The following EPS8 variants were observed in gnomAD, a reference collection of about 807,000 sequenced individuals.
EPS8 encodes epidermal growth factor receptor kinase substrate 8.
Under a neutral mutation model 103.8 loss-of-function variants are expected in EPS8, and 42 were observed. That is an observed-to-expected ratio of 0.40 (90% confidence interval 0.32 to 0.52). EPS8 has a LOEUF of 0.52. Ranked by LOEUF, EPS8 falls within the 20% of genes least tolerant of loss-of-function variation. EPS8 has a pLI of 0.40. For synonymous variants in EPS8, 344 were observed against 344.6 expected (o/e 1.00, Z 0.02); for missense variants, 969 against 1,005.1 (o/e 0.96, Z 0.49).
At position 15,769,182 on chromosome 12, in the gene EPS8, G is replaced by C. The variant is rs980596553; in HGVS notation, c.-22+19979C>G. Among the ~76,000 whole-genome samples the C allele has an allele frequency of 4.6e-5, 7 of 151,878 alleles. No individual in the cohort carries two copies. The highest frequency in any genetic ancestry group is 1.7e-4 in the African/African-American group (7 of 41,326). ...GAACTAACCTGAAAGAAAAAAACAG[G>C]AGTTCTCTGTCTATAGAATAATGTT... On this transcript the variant is annotated intron_variant, in intron 1 of 20. Transcript: ENST00000281172. This position sits in a 1 kb window ranked among gnomAD's most constrained non-coding sequence, Gnocchi z 4.6.
chr12:15,673,528 G>C (rs1181666267), intron 3 of EPS8, among the ~76,000 whole-genome samples: 1 of 152,038 alleles, frequency 6.6e-6, no homozygotes, highest in Non-Finnish European at 1.5e-5. Context: ...AGTATAAAAA[G>C]CCTAACTAAA....
In EPS8 at chr12:15,759,871, A is replaced by C. The variant is rs934358170; in HGVS notation, c.-22+29290T>G. Among the ~76,000 whole-genome samples the C allele has an allele frequency of 2.0e-5, 3 of 151,952 alleles. No individual in the cohort carries two copies. Among genetic ancestry groups the C allele is most frequent in the Non-Finnish European group, 2.9e-5 (2 of 67,886 alleles). ...AGTGCCTACATCAAAAAAGAAGAAA[A>C]ACTTCAAATAACCCAACAATGCATC... On this transcript the variant is annotated intron_variant, in intron 1 of 20. Coordinates refer to ENST00000281172, the MANE Select transcript of EPS8 (RefSeq NM_004447.6). The surrounding 1 kb of genome is among the most constrained non-coding windows in gnomAD (Gnocchi z 4.9).
chr12:15,696,683 G>C lies in EPS8; in HGVS notation c.-21-13711C>G, dbSNP rs1364330016. Among the ~76,000 whole-genome samples the C allele has an allele frequency of 2.0e-5, 3 of 152,038 alleles. No homozygotes were observed. Among genetic ancestry groups the C allele is most frequent in the Non-Finnish European group, 4.4e-5 (3 of 67,994 alleles). On this transcript the variant is annotated intron_variant, in intron 1 of 20. Transcript: ENST00000281172. This position sits in a 1 kb window ranked among gnomAD's most constrained non-coding sequence, Gnocchi z 4.8. ...ATGGACTTGATGAATCAGAAGGTCA[G>C]AGAAAAACACCTGAACTACTATTCC...
chr12:15,698,951 A>C lies in EPS8; in HGVS notation c.-21-15979T>G, dbSNP rs1946277077. 6.6e-6 allele frequency among the ~76,000 whole-genome samples: 1 copy of C among 152,230 alleles called. No homozygotes were observed. The highest frequency in any genetic ancestry group is 1.5e-5 in the Non-Finnish European group (1 of 68,028). On this transcript the variant is annotated intron_variant, in intron 1 of 20. Transcript: ENST00000281172. This position sits in a 1 kb window ranked among gnomAD's most constrained non-coding sequence, Gnocchi z 4.9. ...CAACTAATCAAGGCCCAGATGCTTCAGATTTGAAAAAATGTAAATGACCAT... is the reference window on the plus strand; with the variant it reads ...CAACTAATCAAGGCCCAGATGCTTCCGATTTGAAAAAATGTAAATGACCAT...
rs556761203 is a variant in EPS8, at chr12:15,703,498, C to T, written c.-21-20526G>A. Among the ~76,000 whole-genome samples the T allele has an allele frequency of 2.0e-5, 3 of 151,918 alleles. No individual in the cohort carries two copies. The South Asian group carries it at 6.3e-4, about 32-fold the overall frequency. On this transcript the variant is annotated intron_variant, in intron 1 of 20. Transcript: ENST00000281172. ...AATTAGAGAACATTCCAGACATATA[C>T]AAAGGATATGGAAGGACATGAATTT...
chr12:15,673,906 T>C (rs1945859189), intron 3 of EPS8, among the ~76,000 whole-genome samples: 1 of 152,194 alleles, frequency 6.6e-6, no homozygotes, highest in Admixed American at 6.5e-5. Context: ...ATAGAACCAC[T>C]GGTTGTGTTT....
rs1235881633 is a variant in EPS8 at position 15,723,541 on chromosome 12, AAGACCAAAATAT to A, written c.-21-40581_-21-40570del. Among the ~76,000 whole-genome samples, 165 of 152,294 alleles carry A rather than the reference AAGACCAAAATAT, an allele frequency of 1.1e-3. 1 individual carries two copies. The highest frequency in any genetic ancestry group is 3.8e-3 in the African/African-American group (156 of 41,574). Reference sequence around the variant, plus strand: ...ACAAATATGCATAAGATTTTTCCTGAAGACCAAAATATACATACATCTTGGATTTATGTTTTC... The same window carrying A: ...ACAAATATGCATAAGATTTTTCCTGAACATACATCTTGGATTTATGTTTTC... On this transcript the variant is annotated intron_variant, in intron 1 of 20. Transcript: ENST00000281172.
chr12:15,708,065 C>T (rs990099224), intron 1 of EPS8, among the ~76,000 whole-genome samples: 6 of 152,042 alleles, frequency 3.9e-5, no homozygotes, highest in Non-Finnish European at 5.9e-5. Flanking sequence ...TCATAGGGAT[C>T]GAAACAGCCT....
intron 18 of EPS8, among the ~76,000 whole-genome samples, chr12:15,630,392 T>C (rs1216279629): frequency 2.0e-5 from 3 of 152,200 alleles, no homozygotes; most frequent in African/African-American, 7.2e-5. Flanking sequence ...TGCCATATAC[T>C]ACAAGGTTAA....
rs549704523 is a variant in EPS8 at position 15,747,775 on chromosome 12, C to G, written c.-22+41386G>C. Among the ~76,000 whole-genome samples, 182 of 152,282 alleles carry G rather than the reference C, an allele frequency of 1.2e-3. 1 individual carries two copies. Among genetic ancestry groups the G allele is most frequent in the Middle Eastern group, 0.01 (3 of 294 alleles). ...GTGGCTCACGCCTGTAATCCCAGCA[C>G]TTTGGGAGGCCGAGGTGGGCGGATC... On this transcript the variant is annotated intron_variant, in intron 1 of 20. Coordinates refer to ENST00000281172, the MANE Select transcript of EPS8 (RefSeq NM_004447.6). The surrounding 1 kb of genome is among the most constrained non-coding windows in gnomAD (Gnocchi z 4.4).
intron 8 of EPS8, among the ~76,000 whole-genome samples, chr12:15,663,976 T>TATATAC (rs35142421): frequency 1.7e-4 from 18 of 104,450 alleles, no homozygotes; most frequent in African/African-American, 4.3e-4. Context: ...TATATATATA[T>TATATAC]ACACACACAC....
chr12:15,674,293 C>G (rs111911702), intron 3 of EPS8, among the ~76,000 whole-genome samples: 1 of 152,158 alleles, frequency 6.6e-6, no homozygotes, highest in Non-Finnish European at 1.5e-5. Context: ...AGGATTTGGC[C>G]ATTAACAAGA....
In EPS8 at chr12:15,624,266, T is replaced by C. The variant is rs777353447; in HGVS notation, c.2186A>G (p.Asp729Gly). ...INITYDSTPE[D>G]VKTWLQSKGF... Reference sequence around the variant, plus strand: ...CTTTGACTGTAACCACGTCTTCACATCCTCTGGTGTGGAGTCGTAAGTGAT... The same window carrying C: ...CTTTGACTGTAACCACGTCTTCACACCCTCTGGTGTGGAGTCGTAAGTGAT... Residue 729 changes from aspartate to glycine, a missense_variant, in exon 19 of 21, where the codon GAT (aspartate) becomes GGT (glycine). Transcript: ENST00000281172. 1.9e-6 allele frequency: 3 copies of C among 1,613,806 alleles called. No individual in the cohort carries two copies. Among genetic ancestry groups the C allele is most frequent in the Non-Finnish European group, 2.5e-6 (3 of 1,179,882 alleles).
At position 15,621,320 on chromosome 12, in the gene EPS8, G is replaced by A. The variant is rs1353926370; in HGVS notation, c.2466C>T (p.His822=). ...GVESFDEGSS[H] Reference sequence around the variant, plus strand: ...AGTTTAAATACAAACAAACAAATTAGTGACTGCTTCCTTCATCAAAAGATT... The same window carrying A: ...AGTTTAAATACAAACAAACAAATTAATGACTGCTTCCTTCATCAAAAGATT... The change falls in exon 21 of 21, where the codon CAC becomes CAT. Residue 822 remains histidine, a synonymous_variant. Coordinates refer to ENST00000281172, the MANE Select transcript of EPS8 (RefSeq NM_004447.6). The A allele has an allele frequency of 6.5e-7, 1 of 1,546,232 alleles. No homozygotes were observed.
At position 15,749,563 on chromosome 12, in the gene EPS8, C is replaced by T. The variant is rs1320228194; in HGVS notation, c.-22+39598G>A. Among the ~76,000 whole-genome samples the T allele has an allele frequency of 6.6e-6, 1 of 152,184 alleles. No individual in the cohort carries two copies. The highest frequency in any genetic ancestry group is 2.4e-5 in the African/African-American group (1 of 41,432). On this transcript the variant is annotated intron_variant, in intron 1 of 20. Transcript: ENST00000281172. This position sits in a 1 kb window ranked among gnomAD's most constrained non-coding sequence, Gnocchi z 4.0. ...ACACACGCCTTTTGTTTATCTTCTT[C>T]ACTCTGGCTGCGACTATGCCTCACT...
chr12:15,640,380 G>A (rs1446110384), intron 17 of EPS8, among the ~76,000 whole-genome samples: 3 of 152,166 alleles, frequency 2.0e-5, no homozygotes, highest in African/African-American at 7.2e-5. Context: ...GCCCCTGGTG[G>A]ATAGCAGAGC....
chr12:15,647,406 G>A (rs904204025), intron 14 of EPS8, 146 bp from the exon 15 acceptor site: 1 of 657,488 alleles, frequency 1.5e-6, no homozygotes, highest in Non-Finnish European at 2.4e-6. Flanking sequence ...TATCAAATGG[G>A]AGTGACACAT....
intron 16 of EPS8, 137 bp downstream of exon 16, chr12:15,641,584 CT>C (rs1945231149): frequency 2.3e-6 from 1 of 440,062 alleles, no homozygotes; most frequent in Admixed American, 4.2e-5. Context: ...TATACCCCTA[CT>C]AAATAGATGT....
At position 15,693,968 on chromosome 12, in the gene EPS8, G is replaced by T. The variant is rs1946209218; in HGVS notation, c.-21-10996C>A. 6.6e-6 allele frequency among the ~76,000 whole-genome samples: 1 copy of T among 152,150 alleles called. No homozygotes were observed. The highest frequency in any genetic ancestry group is 1.5e-5 in the Non-Finnish European group (1 of 68,020). ...ATGCGGGTCTTAACACCTAGGTGATGGGTTGACAGGGGCAGCAAACCACAA... is the reference window on the plus strand; with the variant it reads ...ATGCGGGTCTTAACACCTAGGTGATTGGTTGACAGGGGCAGCAAACCACAA... On this transcript the variant is annotated intron_variant, in intron 1 of 20. Transcript: ENST00000281172. The surrounding 1 kb of genome is among the most constrained non-coding windows in gnomAD (Gnocchi z 5.6).
Sources: gnomAD v4.1 joint callset for allele counts (sites outside exome capture counted in the v4.1 genomes callset) on GRCh38, gnomAD v4.1.1 for gene constraint, Gnocchi (gnomAD v3.1) non-coding constraint, MANE v1.5 for transcripts, NCBI Gene and HGNC (gene_info 2026-07-23, HGNC 2026-07-21) for gene names.